Variants in ANK1 observed in about 807,000 individuals in gnomAD.
ANK1 encodes ankyrin-1.
ANK1 carries 51 observed loss-of-function variants against 210.4 expected under a neutral mutation model. The observed-to-expected ratio is 0.24, with a 90% CI of 0.19 to 0.31. The LOEUF (loss-of-function observed/expected upper bound fraction) is 0.31. Ranked by LOEUF, ANK1 falls within the 10% of genes least tolerant of loss-of-function variation. The pLI is 1.00. For missense variants in ANK1, 2,051 were observed against 2,504.4 expected (o/e 0.82, Z 3.86); for synonymous variants, 967 against 1,025.9 (o/e 0.94, Z 1.10).
At chr8:41,841,115 G>T (rs1808812704) in intron 1 of ANK1, among the ~76,000 whole-genome samples, 1 of 152,142 alleles carries the variant, frequency 6.6e-6, no homozygotes, top group South Asian at 2.1e-4. Flanking sequence ...ATTCACTGCG[G>T]CAGTATTCAC....
At chr8:41,884,961 G>A (rs1250582209) in intron 1 of ANK1, among the ~76,000 whole-genome samples, 1 of 152,118 alleles carries the variant, frequency 6.6e-6, no homozygotes, top group African/African-American at 2.4e-5. Context: ...TTGGGGAGGG[G>A]TGAGGCACAG....
intron 1 of ANK1, among the ~76,000 whole-genome samples, chr8:41,891,765 T>C (rs1819503217): frequency 1.3e-5 from 2 of 152,184 alleles, no homozygotes; most frequent in Admixed American, 1.3e-4. Flanking sequence ...CCCACCTTCA[T>C]TTATGGAGGC....
At chr8:41,895,253 C>T (rs1230979046) in intron 1 of ANK1, among the ~76,000 whole-genome samples, 1 of 152,200 alleles carries the variant, frequency 6.6e-6, no homozygotes, top group Non-Finnish European at 1.5e-5. Context: ...CCTGAGGGGC[C>T]CCACTCCTTG....
At chr8:41,731,905 G>A (rs754481867) in intron 3 of ANK1, among the ~76,000 whole-genome samples, 21 of 152,244 alleles carry the variant, frequency 1.4e-4, no homozygotes, top group Non-Finnish European at 2.4e-4. Flanking sequence ...TCACAGCCAG[G>A]TACGTGGGAG....
Position 41,797,405 on chromosome 8 carries a change from G to C in ANK1, c.27+107C>G, listed in dbSNP as rs1848954803. The C allele has an allele frequency of 1.0e-6, 1 of 999,480 alleles. No individual in the cohort carries two copies. Among genetic ancestry groups the C allele is most frequent in the Admixed American group, 2.0e-5 (1 of 49,308 alleles). 61.9% of individuals were successfully genotyped at this position (999,480 alleles called of 1,614,324 possible). On this transcript the variant is annotated intron_variant, in intron 1 of 42. Transcript: ENST00000289734. This position sits in a 1 kb window ranked among gnomAD's most constrained non-coding sequence, Gnocchi z 4.0. The stretch of plus-strand genomic sequence containing the variant: ...AGGGAGCCCACGGGGAGGCGAGGCG[G>C]GTGGGGTGTGCAAAGCTGCTCTTGC...
At chr8:41,690,697 G>A in intron 31 of ANK1, 98 bp from the exon 32 acceptor site, 1 of 1,524,690 alleles carries the variant, frequency 6.6e-7, no homozygotes. Context: ...GACACACCCT[G>A]CCTCAGCAAG....
At chr8:41,665,186 C>T (rs1772986713) in intron 39 of ANK1, 1 of 1,532,986 alleles carries the variant, frequency 6.5e-7, no homozygotes, top group African/African-American at 1.4e-5. Flanking sequence ...CTGTTTCTCT[C>T]TCTGTGGGCA....
At position 41,820,327 on chromosome 8, in the gene ANK1, ATGTGTGTGTGTGTGTGTGTGTGTG is replaced by A. The variant is rs56359274; in HGVS notation, c.127-62214_127-62191del. Among the ~76,000 whole-genome samples the A allele has an allele frequency of 3.4e-3, 484 of 142,942 alleles. 5 individuals are homozygous for A. Among genetic ancestry groups the A allele is most frequent in the African/African-American group, 0.012 (457 of 37,790 alleles). The allele number at this position is 142,942 out of a possible 152,430, so 93.8% of individuals were successfully genotyped here. A position where few individuals can be genotyped will look rare whatever the true frequency, so the allele number is the denominator to read the frequency against. ...GGTGTCCACCACCACACCAAGCTAA[ATGTGTGTGTGTGTGTGTGTGTGTG>A]TGTGTGTGTGTGTGTGTGTGTGTGT... On this transcript the variant is annotated intron_variant, in intron 1 of 42. Coordinates refer to the ANK1 transcript ENST00000265709.
rs181654628 is a variant in ANK1, at chr8:41,756,022, C to T, written c.129+2014G>A. 5.3e-4 allele frequency among the ~76,000 whole-genome samples: 80 copies of T among 152,320 alleles called. 1 individual carries two copies. Among genetic ancestry groups the T allele is most frequent in the African/African-American group, 1.9e-3 (77 of 41,574 alleles). ...GTTTCCCATCACATACCATACTGCT[C>T]CATTCTTTCTGATCTTTTAGCTGTG... is the stretch of plus-strand genomic sequence containing the variant. On this transcript the variant is annotated intron_variant, in intron 2 of 42. Transcript: ENST00000289734.
At chr8:41,846,217 T>A (rs1341090382) in intron 1 of ANK1, among the ~76,000 whole-genome samples, 1 of 152,188 alleles carries the variant, frequency 6.6e-6, no homozygotes, top group African/African-American at 2.4e-5. Context: ...ACAAAGCTTA[T>A]TACAGACTAA....
At chr8:41,779,081 G>T (rs144798445) in intron 1 of ANK1, among the ~76,000 whole-genome samples, 1 of 152,122 alleles carries the variant, frequency 6.6e-6, no homozygotes, top group Non-Finnish European at 1.5e-5. Context: ...GTGACACTTG[G>T]GGAGCTGGAT....
intron 29 of ANK1, 54 bp downstream of exon 29, chr8:41,693,844 T>C: frequency 6.5e-7 from 1 of 1,547,924 alleles, no homozygotes; most frequent in Non-Finnish European, 8.8e-7. Context: ...CCCTACTGTG[T>C]TCCAGACGCA....
intron 1 of ANK1, among the ~76,000 whole-genome samples, chr8:41,836,041 T>G (rs34196128): frequency 0.23 from 35,192 of 152,078 alleles, 4,367 homozygotes; most frequent in South Asian, 0.36. Flanking sequence ...CTGGGCCGTG[T>G]CCAGCACAGA....
intron 26 of ANK1, 93 bp from the exon 27 acceptor site, chr8:41,695,424 A>G: frequency 2.5e-6 from 4 of 1,573,476 alleles, no homozygotes; most frequent in Non-Finnish European, 2.6e-6. Context: ...ACCCAGATGG[A>G]TAAGGCACTT....
intron 1 of ANK1, among the ~76,000 whole-genome samples, chr8:41,895,907 C>A (rs570682836): frequency 2.6e-5 from 4 of 152,050 alleles, no homozygotes; most frequent in South Asian, 2.1e-4. Context: ...AGCTGCCCCC[C>A]CCCGGCCCGC....
At chr8:41,699,310 C>T in intron 23 of ANK1, 142 bp downstream of exon 23, 2 of 804,634 alleles carry the variant, frequency 2.5e-6, no homozygotes. Context: ...GCTAGCTCAT[C>T]CTAAGGTGCA....
At chr8:41,732,625 C>T (rs141024463) in intron 3 of ANK1, among the ~76,000 whole-genome samples, 8 of 152,150 alleles carry the variant, frequency 5.3e-5, no homozygotes, top group African/African-American at 1.7e-4. Flanking sequence ...GTTGGCTGGG[C>T]TGGTTTCGAA....
At chr8:41,861,395 T>C (rs1208434258) in intron 1 of ANK1, among the ~76,000 whole-genome samples, 1 of 152,202 alleles carries the variant, frequency 6.6e-6, no homozygotes, top group Non-Finnish European at 1.5e-5. Context: ...GAACCCCCGA[T>C]GAACATTTGC....
chr8:41,817,921 G>A (rs570822708), intron 1 of ANK1, among the ~76,000 whole-genome samples: 1 of 152,222 alleles, frequency 6.6e-6, no homozygotes, highest in South Asian at 2.1e-4. Flanking sequence ...CTGAGACGAT[G>A]CTCCTGAGAA....
Sources: gnomAD v4.1 joint callset for allele counts (sites outside exome capture counted in the v4.1 genomes callset) on GRCh38, gnomAD v4.1.1 for gene constraint, Gnocchi (gnomAD v3.1) non-coding constraint, MANE v1.5 for transcripts, NCBI Gene and HGNC (gene_info 2026-07-23, HGNC 2026-07-21) for gene names.